Variants in SLCO5A1 observed in about 807,000 individuals in gnomAD.
SLCO5A1 encodes organic anion transporter polypeptide-related protein 4.
Under a neutral mutation model 65.1 loss-of-function variants are expected in SLCO5A1, and 39 were observed. The ratio of observed to expected loss-of-function variants is 0.60; its 90% confidence interval spans 0.46 to 0.78. The LOEUF (loss-of-function observed/expected upper bound fraction) is 0.78, where lower values mean the gene tolerates loss of function less well. Ranked by LOEUF, SLCO5A1 falls within the 30% of genes least tolerant of loss-of-function variation. The pLI, the probability that SLCO5A1 is intolerant of heterozygous loss-of-function variation, is 0.00. For missense variants in SLCO5A1, 1,029 were observed against 1,069.4 expected (o/e 0.96, Z 0.53); for synonymous variants, 438 against 415.7 (o/e 1.05, Z -0.65).
chr8:69,672,002 A>C lies in SLCO5A1; in HGVS notation c.*867T>G, dbSNP rs1813345910. 3 of 152,182 alleles carry C rather than the reference A, an allele frequency of 2.0e-5. No homozygotes were observed. The highest frequency in any genetic ancestry group is 4.4e-5 in the Non-Finnish European group (3 of 68,026). The allele number at this position is 152,182 out of a possible 1,614,324, so 9.4% of individuals were successfully genotyped here. On this transcript the variant is annotated 3_prime_UTR_variant, in exon 10 of 10. Transcript: ENST00000260126. ...TAGAGCTAAAGAAAATTTCTGCAAC[A>C]ATTTTCTTGGATGAGAAAGCTGTCA...
intron 2 of SLCO5A1, among the ~76,000 whole-genome samples, chr8:69,777,213 G>A (rs573766989): frequency 2.6e-5 from 4 of 152,276 alleles, no homozygotes; most frequent in Admixed American, 2.0e-4. Flanking sequence ...ATACTACTTA[G>A]CGATATAAAG....
chr8:69,747,263 A>G (rs1442405858), intron 4 of SLCO5A1, among the ~76,000 whole-genome samples: 1 of 152,156 alleles, frequency 6.6e-6, no homozygotes, highest in Non-Finnish European at 1.5e-5. Context: ...TTAAAATCCC[A>G]TGGGTGCAAA....
chr8:69,782,628 A>G (rs1265499076), intron 2 of SLCO5A1, among the ~76,000 whole-genome samples: 1 of 152,016 alleles, frequency 6.6e-6, no homozygotes. Context: ...GTTATCTGAC[A>G]ATAAGAAAGA....
chr8:69,761,537 T>G, intron 3 of SLCO5A1: 1 of 562,634 alleles, frequency 1.8e-6, no homozygotes, highest in South Asian at 2.3e-5. Context: ...AAAGTCCCTC[T>G]TGCCATGTAA....
chr8:69,738,824 G>T (rs1317697749), intron 4 of SLCO5A1, among the ~76,000 whole-genome samples: 1 of 152,184 alleles, frequency 6.6e-6, no homozygotes, highest in Non-Finnish European at 1.5e-5. Flanking sequence ...AAAGGTGGGG[G>T]TTTAGCACCT....
At chr8:69,682,680 G>A (rs550974895) in intron 6 of SLCO5A1, among the ~76,000 whole-genome samples, 6 of 152,176 alleles carry the variant, frequency 3.9e-5, no homozygotes, top group South Asian at 4.1e-4. Flanking sequence ...TACTGTAGGC[G>A]CCAGGCTCTA....
At chr8:69,795,214 T>A (rs1819439651) in intron 2 of SLCO5A1, among the ~76,000 whole-genome samples, 1 of 151,888 alleles carries the variant, frequency 6.6e-6, no homozygotes, top group African/African-American at 2.4e-5. Context: ...TTTCCAACAG[T>A]CCCCCCAAAG....
chr8:69,740,039 C>T (rs962003401), intron 4 of SLCO5A1, among the ~76,000 whole-genome samples: 4 of 152,192 alleles, frequency 2.6e-5, no homozygotes, highest in African/African-American at 9.6e-5. Context: ...GGTTTTTCTT[C>T]TATAGCCATT....
At chr8:69,795,804 G>A (rs1819465815) in intron 2 of SLCO5A1, among the ~76,000 whole-genome samples, 1 of 152,218 alleles carries the variant, frequency 6.6e-6, no homozygotes, top group Non-Finnish European at 1.5e-5. Context: ...CTCCGACCCT[G>A]CAGCAGGCTT....
chr8:69,791,709 G>C (rs1819278836), intron 2 of SLCO5A1, among the ~76,000 whole-genome samples: 1 of 152,124 alleles, frequency 6.6e-6, no homozygotes, highest in Admixed American at 6.5e-5. Context: ...CAGCATCCAG[G>C]TCATTAACAA....
chr8:69,724,580 G>A (rs1815978654), intron 5 of SLCO5A1, among the ~76,000 whole-genome samples: 1 of 152,136 alleles, frequency 6.6e-6, no homozygotes, highest in Non-Finnish European at 1.5e-5. Flanking sequence ...GCTGAGCCTG[G>A]CAGCAAAGCT....
intron 5 of SLCO5A1, among the ~76,000 whole-genome samples, chr8:69,716,929 G>A (rs189268862): frequency 7.3e-4 from 111 of 151,914 alleles, no homozygotes; most frequent in African/African-American, 2.1e-3. Flanking sequence ...ACAGGCACAC[G>A]CCACCACCCC....
chr8:69,722,461 C>T (rs1815870833), intron 5 of SLCO5A1, among the ~76,000 whole-genome samples: 1 of 152,042 alleles, frequency 6.6e-6, no homozygotes, highest in South Asian at 2.1e-4. Context: ...AGTACTTACA[C>T]TTAATATTAT....
At chr8:69,800,730 C>CAT (rs1279326082) in intron 2 of SLCO5A1, among the ~76,000 whole-genome samples, 42 of 152,314 alleles carry the variant, frequency 2.8e-4, no homozygotes, top group African/African-American at 1.0e-3. Context: ...ATAATCCATT[C>CAT]AAGAGTCATC....
chr8:69,687,044 G>GTGTGC (rs138407073), intron 6 of SLCO5A1, among the ~76,000 whole-genome samples: 60,681 of 151,720 alleles, frequency 0.4, 12,317 homozygotes, highest in South Asian at 0.55. Context: ...TAAGATATTG[G>GTGTGC]TATCTTTCCG....
intron 5 of SLCO5A1, among the ~76,000 whole-genome samples, chr8:69,730,697 T>C (rs1816300184): frequency 6.6e-6 from 1 of 152,114 alleles, no homozygotes; most frequent in South Asian, 2.1e-4. Context: ...TTGAGGATGG[T>C]TTGTACCAGC....
intron 2 of SLCO5A1, among the ~76,000 whole-genome samples, chr8:69,812,055 A>C (rs375803031): frequency 6.6e-6 from 1 of 152,354 alleles, no homozygotes; most frequent in East Asian, 1.9e-4. Flanking sequence ...CGAGTCCATC[A>C]ATTTACAAAT....
intron 2 of SLCO5A1, among the ~76,000 whole-genome samples, chr8:69,772,577 AG>A (rs780478990): frequency 4.3e-5 from 4 of 92,976 alleles, no homozygotes; most frequent in Non-Finnish European, 6.9e-5. Context: ...AGGAAAGGAA[AG>A]GAAAGGAAAG....
At chr8:69,733,046 T>C (rs1157795377) in intron 5 of SLCO5A1, among the ~76,000 whole-genome samples, 1 of 152,184 alleles carries the variant, frequency 6.6e-6, no homozygotes, top group Non-Finnish European at 1.5e-5. Flanking sequence ...TAATATCTAC[T>C]TCATAGGCAT....
Sources: allele counts gnomAD v4.1 joint callset (sites outside exome capture counted in the v4.1 genomes callset), GRCh38; gene constraint gnomAD v4.1.1; transcripts MANE v1.5; gene names NCBI Gene and HGNC (gene_info 2026-07-23, HGNC 2026-07-21).